The following PUS7 variants were observed in gnomAD, a reference collection of about 807,000 sequenced individuals.
The protein encoded by PUS7 is pseudouridylate synthase 7 homolog.
PUS7 carries 48 observed loss-of-function variants against 79.8 expected under a neutral mutation model. That is an observed-to-expected ratio of 0.60 (90% CI 0.48 to 0.76). The LOEUF is 0.76. Ranked by LOEUF, PUS7 falls within the 30% of genes least tolerant of loss-of-function variation. The pLI is 0.00. For missense variants in PUS7, 729 were observed against 797.6 expected, an observed-to-expected ratio of 0.91 and a Z score of 1.04; for synonymous variants, 286 against 272.2, an observed-to-expected ratio of 1.05 and a Z score of -0.50.
intron 13 of PUS7, among the ~76,000 whole-genome samples, chr7:105,463,569 C>T (rs1563352394): frequency 6.6e-6 from 1 of 152,014 alleles, no homozygotes; most frequent in Non-Finnish European, 1.5e-5. Context: ...CAAACTGGGC[C>T]TTTTCTATCG....
intron 6 of PUS7, among the ~76,000 whole-genome samples, 166 bp from the exon 7 acceptor site, chr7:105,491,783 G>C (rs751091215): frequency 1.7e-4 from 26 of 152,128 alleles, no homozygotes; most frequent in Non-Finnish European, 3.7e-4. Context: ...GAGGCTGGGC[G>C]CAGTGGCTCA....
intron 7 of PUS7, among the ~76,000 whole-genome samples, chr7:105,485,694 T>G (rs926345891): frequency 6.6e-6 from 1 of 152,268 alleles, no homozygotes; most frequent in African/African-American, 2.4e-5. Flanking sequence ...TCTCCACTTA[T>G]CTTAAATGAT....
chr7:105,502,032 G>C (rs1280962458), intron 5 of PUS7, among the ~76,000 whole-genome samples: 1 of 150,714 alleles, frequency 6.6e-6, no homozygotes, highest in Non-Finnish European at 1.5e-5. Context: ...TAGGTGACAA[G>C]CGTTTTTTGT....
chr7:105,463,771 T>C (rs1054523561), intron 13 of PUS7, among the ~76,000 whole-genome samples: 1 of 152,180 alleles, frequency 6.6e-6, no homozygotes, highest in African/African-American at 2.4e-5. Context: ...GTCATACATA[T>C]TTGATAAATT....
At chr7:105,476,123 CAAAAAA>C (rs958626613) in intron 9 of PUS7, among the ~76,000 whole-genome samples, 1 of 39,174 alleles carries the variant, frequency 2.6e-5, no homozygotes, top group African/African-American at 6.3e-5. Context: ...GACTCCGTCT[CAAAAAA>C]AAAAAAAAAA....
At position 105,508,483 on chromosome 7, in the gene PUS7, C is replaced by T. The variant is rs369582750; in HGVS notation, c.30G>A (p.Ser10=). MEMTEMTGV[S]LKRGALVVED... ...CGACAACCAGTGCCCCACGTTTCAGCGACACACCAGTCATTTCTGTCATCT... is the reference window on the plus strand; with the variant it reads ...CGACAACCAGTGCCCCACGTTTCAGTGACACACCAGTCATTTCTGTCATCT... Residue 10 remains serine (S), a synonymous_variant, in exon 2 of 16, where the codon TCG becomes TCA. Coordinates refer to ENST00000469408, the MANE Select transcript of PUS7 (RefSeq NM_019042.5). 10 of 1,613,556 alleles carry T rather than the reference C, an allele frequency of 6.2e-6. No homozygotes were observed. The highest frequency in any genetic ancestry group is 1.7e-5 in the Admixed American group (1 of 59,884).
In PUS7 at chr7:105,508,536, T is replaced by C; in HGVS notation, c.-24A>G. 1 of 1,596,382 alleles carries C rather than the reference T, an allele frequency of 6.3e-7. No individual in the cohort carries two copies. Among genetic ancestry groups the C allele is most frequent in the Non-Finnish European group, 8.5e-7 (1 of 1,172,340 alleles). On this transcript the variant is annotated 5_prime_UTR_variant, in exon 2 of 16. Coordinates refer to ENST00000469408, the MANE Select transcript of PUS7 (RefSeq NM_019042.5). ...ATCTTTAAGGCTCCAAGAAAACATT[T>C]AAGAAAACCTGTTAGGAAAGAGTAG...
rs748034950 is a variant in PUS7 at position 105,502,449 on chromosome 7, T to A, written c.701A>T (p.Tyr234Phe). The change falls in exon 5 of 16, where the codon TAC (tyrosine) becomes TTC (phenylalanine). Residue 234 changes from tyrosine to phenylalanine, a missense_variant. By Grantham distance (22) the Tyr-to-Phe change is conservative. Transcript: ENST00000469408. The part of the protein sequence containing the change: ...DREGKKYIVA[Y>F]HAAGKKALAN... ...CAAAGCCTTTTTCCCAGCTGCGTGG[T>A]AGGCTACAATGTATTTCTTCCCCTC... The A allele has an allele frequency of 2.5e-5, 41 of 1,614,158 alleles. No homozygotes were observed. The South Asian group carries it at 4.4e-4, about 17-fold the overall frequency.
In PUS7 at chr7:105,496,139, C is replaced by T. The variant is rs186097610; in HGVS notation, c.731-886G>A. 5.3e-3 allele frequency among the ~76,000 whole-genome samples: 704 copies of T among 134,044 alleles called. 7 individuals carry two copies. Among genetic ancestry groups the T allele is most frequent in the South Asian group, 0.028 (119 of 4,208 alleles). The allele number at this position is 134,044 out of a possible 152,430, so 87.9% of individuals were successfully genotyped here. On this transcript the variant is annotated intron_variant, in intron 5 of 15. Coordinates refer to ENST00000469408, the MANE Select transcript of PUS7 (RefSeq NM_019042.5). ...TGCCATTGCATTCCAGCCTGGGCAACAAGAGCGAGACTCCGTCTCAAAAAA... is the reference window on the plus strand; with the variant it reads ...TGCCATTGCATTCCAGCCTGGGCAATAAGAGCGAGACTCCGTCTCAAAAAA...
intron 6 of PUS7, among the ~76,000 whole-genome samples, chr7:105,494,163 C>T (rs188391317): frequency 1.3e-5 from 2 of 152,144 alleles, no homozygotes; most frequent in Non-Finnish European, 2.9e-5. Flanking sequence ...TCTGCAACCA[C>T]GTCAAAGGAT....
chr7:105,506,116 C>A, intron 3 of PUS7, 60 bp from the exon 4 acceptor site: 1 of 1,564,652 alleles, frequency 6.4e-7, no homozygotes, highest in Non-Finnish European at 8.7e-7. Context: ...TTTAATAAAG[C>A]TCTATATTTC....
At chr7:105,500,457 C>G (rs2133217551) in intron 5 of PUS7, among the ~76,000 whole-genome samples, 1 of 152,220 alleles carries the variant, frequency 6.6e-6, no homozygotes, top group Non-Finnish European at 1.5e-5. Flanking sequence ...CTCACAAAAC[C>G]CGGCATCCTA....
intron 7 of PUS7, among the ~76,000 whole-genome samples, chr7:105,486,572 T>C (rs926409892): frequency 3.9e-5 from 6 of 151,940 alleles, no homozygotes; most frequent in African/African-American, 1.5e-4. Context: ...GGAGGATCAG[T>C]ATGAACAGAG....
At chr7:105,485,257 T>G (rs942412179) in intron 7 of PUS7, among the ~76,000 whole-genome samples, 3 of 152,256 alleles carry the variant, frequency 2.0e-5, no homozygotes, top group African/African-American at 4.8e-5. Context: ...TTGCCCAGGC[T>G]GGAGCGCAAT....
In PUS7 at chr7:105,456,810, A is replaced by G. The variant is rs1013903631; in HGVS notation, c.*980T>C. ...GAGCAAATACCAGTCCAGTGGAAAG[A>G]GTTCTGAACATAAAAGGCACCTAGA... is the stretch of plus-strand genomic sequence containing the variant. On this transcript the variant is annotated 3_prime_UTR_variant, in exon 16 of 16. Coordinates refer to ENST00000469408, the MANE Select transcript of PUS7 (RefSeq NM_019042.5). 1 of 152,154 alleles carries G rather than the reference A, an allele frequency of 6.6e-6. No homozygotes were observed. The highest frequency in any genetic ancestry group is 1.5e-5 in the Non-Finnish European group (1 of 68,030). 9.4% of individuals were successfully genotyped at this position (152,154 alleles called of 1,614,324 possible).
intron 14 of PUS7, among the ~76,000 whole-genome samples, chr7:105,460,899 G>A (rs56102627): frequency 0.023 from 3,478 of 148,518 alleles, 51 homozygotes; most frequent in African/African-American, 0.03. Context: ...ACAGGGTTTC[G>A]TTTTGTCACC....
At chr7:105,496,216 T>TAGAGAGAGAGAG (rs1335946389) in intron 5 of PUS7, among the ~76,000 whole-genome samples, 2 of 76,712 alleles carry the variant, frequency 2.6e-5, no homozygotes, top group Admixed American at 1.7e-4. Flanking sequence ...TATATATATA[T>TAGAGAGAGAGAG]ATATATATAT....
chr7:105,492,800 C>A (rs1824851532), intron 6 of PUS7, among the ~76,000 whole-genome samples: 1 of 152,158 alleles, frequency 6.6e-6, no homozygotes, highest in Non-Finnish European at 1.5e-5. Context: ...AGCCACCGCG[C>A]CCGGCCGATT....
intron 10 of PUS7, 63 bp from the exon 11 acceptor site, chr7:105,470,911 G>C: frequency 6.9e-7 from 1 of 1,458,068 alleles, no homozygotes; most frequent in South Asian, 1.5e-5. Flanking sequence ...ATAACTTAAA[G>C]TACACTTCAC....
Sources: allele counts gnomAD v4.1 joint callset (sites outside exome capture counted in the v4.1 genomes callset), GRCh38; gene constraint gnomAD v4.1.1; transcripts MANE v1.5; gene names NCBI Gene and HGNC (gene_info 2026-07-23, HGNC 2026-07-21).